The following FAM86B2 variants were observed in gnomAD, a reference collection of about 807,000 sequenced individuals.
FAM86B2 encodes putative protein N-methyltransferase FAM86B2.
A neutral mutation model predicts 26.5 loss-of-function variants in FAM86B2; 1 was observed. That is an observed-to-expected ratio of 0.04 (90% CI 0.01 to 0.18). The LOEUF (loss-of-function observed/expected upper bound fraction) is 0.18. Among genes scored for constraint, FAM86B2 ranks in the 10% least tolerant of loss-of-function variants. FAM86B2 has a pLI of 1.00. For synonymous variants in FAM86B2, 11 were observed against 127.8 expected, an observed-to-expected ratio of 0.09 and a Z score of 6.17; for missense variants, 43 against 303.5, an observed-to-expected ratio of 0.14 and a Z score of 6.38.
At chr8:12,426,288 G>A (rs1363539222) in intron 7 of FAM86B2, among the ~76,000 whole-genome samples, 19 of 145,592 alleles carry the variant, frequency 1.3e-4, no homozygotes, top group Non-Finnish European at 2.1e-4. Flanking sequence ...ACATCTCCCT[G>A]GCTGCTCAGT....
chr8:12,428,472 C>T (rs1382005204), intron 6 of FAM86B2, among the ~76,000 whole-genome samples, 161 bp downstream of exon 6: 2 of 152,094 alleles, frequency 1.3e-5, no homozygotes, highest in East Asian at 3.9e-4. Context: ...TTAAGAGGCA[C>T]CCCTGTCCTT....
chr8:12,429,487 AT>A (rs146683582), intron 4 of FAM86B2, among the ~76,000 whole-genome samples: 5 of 78,102 alleles, frequency 6.4e-5, no homozygotes, highest in Non-Finnish European at 9.9e-5. Context: ...GTTTTATCTC[AT>A]TTTTTTTTTT....
intron 6 of FAM86B2, among the ~76,000 whole-genome samples, chr8:12,428,285 G>A (rs1208601145): frequency 2.1e-5 from 3 of 146,174 alleles, no homozygotes; most frequent in African/African-American, 5.0e-5. Context: ...GGGGTTTTCG[G>A]TGGCCCAGCC....
chr8:12,435,665 G>A (rs1223118573), intron 1 of FAM86B2, among the ~76,000 whole-genome samples: 2 of 139,622 alleles, frequency 1.4e-5, no homozygotes, highest in African/African-American at 5.4e-5. Context: ...AAGCCCCTCT[G>A]CTGGCAGAAG....
At chr8:12,428,475 C>G (rs563509997) in intron 6 of FAM86B2, among the ~76,000 whole-genome samples, 158 bp downstream of exon 6, 1 of 152,112 alleles carries the variant, frequency 6.6e-6, no homozygotes, top group South Asian at 2.1e-4. Flanking sequence ...AGAGGCACCC[C>G]TGTCCTTTGA....
At chr8:12,429,469 G>C (rs1813202302) in intron 4 of FAM86B2, among the ~76,000 whole-genome samples, 1 of 82,246 alleles carries the variant, frequency 1.2e-5, no homozygotes, top group African/African-American at 4.3e-5. Context: ...GTGGTTTTCT[G>C]TATCTATGTT....
In FAM86B2 at chr8:12,426,331, C is replaced by T. The variant is rs370055031; in HGVS notation, c.893-342G>A. 3.5e-5 allele frequency among the ~76,000 whole-genome samples: 5 copies of T among 143,232 alleles called. No individual in the cohort carries two copies. The East Asian group carries it at 1.0e-3, about 29-fold the overall frequency. 94.0% of individuals were successfully genotyped at this position (143,232 alleles called of 152,430 possible). A position where few individuals can be genotyped will look rare whatever the true frequency, so the allele number is the denominator to read the frequency against. On this transcript the variant is annotated intron_variant, in intron 7 of 7. Transcript: ENST00000262365. ...CTCTTCACAAAGCTTAGAAAGTGGC[C>T]GGGCACAGCCAGACTCTGTCTCAAA...
At chr8:12,433,856 TAA>T (rs1798418331) in intron 2 of FAM86B2, among the ~76,000 whole-genome samples, 194 bp downstream of exon 2, 1 of 109,718 alleles carries the variant, frequency 9.1e-6, no homozygotes, top group African/African-American at 2.9e-5. Context: ...ATGTCTTTTC[TAA>T]GTCTTACATA....
chr8:12,426,332 G>A lies in FAM86B2; in HGVS notation c.893-343C>T, dbSNP rs1291658205. Among the ~76,000 whole-genome samples the A allele has an allele frequency of 7.6e-5, 11 of 144,438 alleles. 1 individual carries two copies. The highest frequency in any genetic ancestry group is 2.2e-4 in the South Asian group (1 of 4,546). 94.8% of individuals were successfully genotyped at this position (144,438 alleles called of 152,430 possible). A position where few individuals can be genotyped will look rare whatever the true frequency, so the allele number is the denominator to read the frequency against. On this transcript the variant is annotated intron_variant, in intron 7 of 7. Transcript: ENST00000262365. ...TCTTCACAAAGCTTAGAAAGTGGCCGGGCACAGCCAGACTCTGTCTCAAAA... is the reference window on the plus strand; with the variant it reads ...TCTTCACAAAGCTTAGAAAGTGGCCAGGCACAGCCAGACTCTGTCTCAAAA...
intron 1 of FAM86B2, among the ~76,000 whole-genome samples, chr8:12,435,854 T>C (rs1321069567): frequency 7.1e-6 from 1 of 140,304 alleles, no homozygotes; most frequent in Non-Finnish European, 1.6e-5. Flanking sequence ...GCCTGTGACC[T>C]GGTCACCACG....
chr8:12,434,886 T>C (rs1409071870), intron 1 of FAM86B2, among the ~76,000 whole-genome samples: 1 of 151,412 alleles, frequency 6.6e-6, no homozygotes, highest in East Asian at 1.9e-4. Context: ...CCCCAGTTGC[T>C]CCATTCACCA....
chr8:12,429,597 G>A (rs1224514110), intron 4 of FAM86B2, among the ~76,000 whole-genome samples: 53 of 35,086 alleles, frequency 1.5e-3, no homozygotes, highest in African/African-American at 4.9e-3. Flanking sequence ...CACCTGCCCA[G>A]GTAGCTGTGA....
At chr8:12,433,522 G>A (rs1187820074) in intron 2 of FAM86B2, among the ~76,000 whole-genome samples, 1 of 150,682 alleles carries the variant, frequency 6.6e-6, no homozygotes, top group African/African-American at 2.5e-5. Flanking sequence ...GCCCTTTGAA[G>A]GTGAAGACCC....
rs1812638260 is a variant in FAM86B2, at chr8:12,426,370, TG to T, written c.893-382del. The stretch of plus-strand genomic sequence containing the variant: ...CTCTGTCTCAAAAAAAAAAAAAGGT[TG>T]GTTGAGGCTTATACTATGTGTGCTG... On this transcript the variant is annotated intron_variant, in intron 7 of 7. Coordinates refer to ENST00000262365, the MANE Select transcript of FAM86B2 (RefSeq NM_001137610.3). Among the ~76,000 whole-genome samples the T allele has an allele frequency of 2.0e-5, 3 of 146,814 alleles. No individual in the cohort carries two copies. The South Asian group carries it at 6.5e-4, about 32-fold the overall frequency.
intron 1 of FAM86B2, among the ~76,000 whole-genome samples, chr8:12,434,774 C>T (rs542775806): frequency 1.6e-4 from 24 of 146,412 alleles, no homozygotes; most frequent in Admixed American, 4.1e-4. Flanking sequence ...TCTTGTTCCC[C>T]AAACCCTTCC....
At chr8:12,426,169 C>G in intron 7 of FAM86B2, among the ~76,000 whole-genome samples, 180 bp from the exon 8 acceptor site, 1 of 146,850 alleles carries the variant, frequency 6.8e-6, no homozygotes, top group Middle Eastern at 3.5e-3. Context: ...GACCAGAAAT[C>G]TGGTTTTGCA....
rs1346425921 is a variant in FAM86B2, at chr8:12,432,891, C to T, written c.160-729G>A. 3.3e-5 allele frequency among the ~76,000 whole-genome samples: 5 copies of T among 151,076 alleles called. No homozygotes were observed. The South Asian group carries it at 8.4e-4, about 25-fold the overall frequency. ...TCATTTGTTCTGACCCAGAGTCTCG[C>T]TCTGTTGCCCAGGCTGGAGTGCAGT... On this transcript the variant is annotated intron_variant, in intron 2 of 7. Transcript: ENST00000262365.
chr8:12,435,280 G>C (rs1319798345), intron 1 of FAM86B2, among the ~76,000 whole-genome samples: 1 of 121,012 alleles, frequency 8.3e-6, no homozygotes, highest in Non-Finnish European at 1.7e-5. Context: ...TGTCTCCTGG[G>C]TCTGAACTCT....
chr8:12,426,356 A>G (rs1812636548), intron 7 of FAM86B2, among the ~76,000 whole-genome samples: 1 of 148,206 alleles, frequency 6.7e-6, no homozygotes, highest in South Asian at 2.1e-4. Flanking sequence ...TCTGTCTCAA[A>G]AAAAAAAAAA....
Sources: allele counts gnomAD v4.1 joint callset (sites outside exome capture counted in the v4.1 genomes callset), GRCh38; gene constraint gnomAD v4.1.1; transcripts MANE v1.5; gene names NCBI Gene and HGNC (gene_info 2026-07-23, HGNC 2026-07-21).